TTN: variants seen among roughly 807,000 people sequenced by gnomAD.
TTN encodes titin, also known as connectin.
Under a neutral mutation model 3,223.0 loss-of-function variants are expected in TTN, and 1,525 were observed. That is an observed-to-expected ratio of 0.47 (90% CI 0.45 to 0.49). The LOEUF (loss-of-function observed/expected upper bound fraction) is 0.49. Among genes scored for constraint, TTN ranks in the 20% least tolerant of loss-of-function variants. The pLI, the probability that TTN is intolerant of heterozygous loss-of-function variation, is 0.00. For synonymous variants in TTN, 14,094 were observed against 15,161.0 expected, an observed-to-expected ratio of 0.93 and a Z score of 5.17; for missense variants, 40,786 against 43,424.0, an observed-to-expected ratio of 0.94 and a Z score of 5.40.
At position 178,572,049 on chromosome 2, in the gene TTN, T is replaced by G; in HGVS notation, c.74083A>C (p.Lys24695Gln). Residue 24695 changes from lysine (K) to glutamine (Q), a missense_variant, in exon 326 of 363, where the codon AAG becomes CAG. Transcript: ENST00000589042. ...AGTTGTCTAGGATCACTGATGCCCTTTTCATTCTGAGCTGAAACACGGAAA... is the reference window on the plus strand; with the variant it reads ...AGTTGTCTAGGATCACTGATGCCCTGTTCATTCTGAGCTGAAACACGGAAA... Reference protein sequence around the residue: ...YSFRVSAQNEKGISDPRQLSV... With the variant: ...YSFRVSAQNEQGISDPRQLSV... The G allele has an allele frequency of 6.2e-7, 1 of 1,613,268 alleles. No homozygotes were observed. Among genetic ancestry groups the G allele is most frequent in the Non-Finnish European group, 8.5e-7 (1 of 1,179,570 alleles).
chr2:178,690,495 G>A (rs1329820778), intron 121 of TTN, among the ~76,000 whole-genome samples: 1 of 152,042 alleles, frequency 6.6e-6, no homozygotes, highest in Non-Finnish European at 1.5e-5. Context: ...GTGGGTATGT[G>A]TATTTGTGCT....
intron 1 of TTN, among the ~76,000 whole-genome samples, chr2:178,805,541 T>G (rs2094277949): frequency 6.6e-6 from 1 of 152,154 alleles, no homozygotes; most frequent in African/African-American, 2.4e-5. Context: ...ATCTCTTTCC[T>G]GACTGGAGAA....
At position 178,529,484 on chromosome 2, in the gene TTN, C is replaced by T. The variant is rs886923537; in HGVS notation, c.106532-265G>A. On this transcript the variant is annotated intron_variant, in intron 359 of 362. Transcript: ENST00000589042. ...AAAAAGTCTTGAAAAGAATAGTCAA[C>T]GGATTTAGGAGATAAGTGGATTTGG... 14 of 335,996 alleles carry T rather than the reference C, an allele frequency of 4.2e-5. 1 individual carries two copies. Among genetic ancestry groups the T allele is most frequent in the African/African-American group, 1.1e-4 (5 of 46,962 alleles). 20.8% of individuals were successfully genotyped at this position (335,996 alleles called of 1,614,324 possible).
chr2:178,797,687 C>A (rs889412827), intron 6 of TTN, among the ~76,000 whole-genome samples: 1 of 151,996 alleles, frequency 6.6e-6, no homozygotes, highest in Non-Finnish European at 1.5e-5. Flanking sequence ...TATTGTGATA[C>A]TTTTATGGCA....
chr2:178,732,251 A>C lies in TTN; in HGVS notation c.16718T>G (p.Ile5573Ser). The C allele has an allele frequency of 6.2e-7, 1 of 1,613,786 alleles. No individual in the cohort carries two copies. The highest frequency in any genetic ancestry group is 8.5e-7 in the Non-Finnish European group (1 of 1,179,766). The change falls in exon 57 of 363, where the codon ATT becomes AGT. Residue 5573 changes from isoleucine (I) to serine (S), a missense_variant. Ile to Ser is a moderately radical substitution (Grantham distance 142, BLOSUM62 -2). Coordinates refer to ENST00000589042, the MANE Select transcript of TTN (RefSeq NM_001267550.2). ...LACKVTGTPP[I>S]KITWFANDRE... is the part of the protein sequence containing the mutation. ...ATCATTTGCAAACCATGTTATTTTAATTGGAGGGGTACCAGTTACTTTGCA... is the reference window on the plus strand; with the variant it reads ...ATCATTTGCAAACCATGTTATTTTACTTGGAGGGGTACCAGTTACTTTGCA...
rs376613199 is a variant in TTN, at chr2:178,692,530, T to G, written c.31645A>C (p.Ile10549Leu). The change falls in exon 120 of 363, where the codon ATC becomes CTC. Residue 10549 changes from isoleucine (I) to leucine (L), a missense_variant. Ile to Leu is a conservative substitution (Grantham distance 5). Coordinates refer to ENST00000589042, the MANE Select transcript of TTN (RefSeq NM_001267550.2). ...GCTGGGGGCTCCACTTTTTTAGGGA[T>G]AGGAACAGGGGCCACTTCTTCTGGA... ...PAPEEVAPVP[I>L]PKKVEPPAPK... 1 of 1,588,442 alleles carries G rather than the reference T, an allele frequency of 6.3e-7. No homozygotes were observed. The highest frequency in any genetic ancestry group is 8.6e-7 in the Non-Finnish European group (1 of 1,166,434).
rs1197763731 is a variant in TTN at position 178,604,885 on chromosome 2, T to G, written c.54204A>C (p.Pro18068=). ...TGTCAGTAACAGCAAGATTTCTTGG[T>G]GGGGATGGGCGGTCTGGAAAGGAAT... ...VHVEVYDRPS[P]PRNLAVTDIK... Residue 18068 remains proline, a synonymous_variant, in exon 281 of 363, where the codon CCA becomes CCC. Coordinates refer to ENST00000589042, the MANE Select transcript of TTN (RefSeq NM_001267550.2). 1.2e-6 allele frequency: 2 copies of G among 1,611,532 alleles called. No homozygotes were observed. The highest frequency in any genetic ancestry group is 2.7e-5 in the African/African-American group (2 of 74,748).
rs2059886153 is a variant in TTN at position 178,632,149 on chromosome 2, A to C, written c.43745T>G (p.Leu14582Arg). ...GMSSEAKLTV[L>R]EGDPYFTGKL... ...ATTAAAATTTAAAAAGCACTTACCA[A>C]GCACAGTGAGTTTAGCTTCTGAACT... The change falls in exon 236 of 363, where the codon CTT (leucine) becomes CGT (arginine). Residue 14582 changes from leucine (L) to arginine (R), a missense_variant and splice_region_variant. By Grantham distance (102) the Leu-to-Arg change is moderately radical. Coordinates refer to ENST00000589042, the MANE Select transcript of TTN (RefSeq NM_001267550.2). 6.3e-7 allele frequency: 1 copy of C among 1,591,434 alleles called. No homozygotes were observed. Among genetic ancestry groups the C allele is most frequent in the Non-Finnish European group, 8.6e-7 (1 of 1,168,924 alleles).
rs1451713465 is a variant in TTN, at chr2:178,663,447, A to G, written c.36602T>C (p.Val12201Ala). The G allele has an allele frequency of 6.2e-7, 1 of 1,611,526 alleles. No homozygotes were observed. The highest frequency in any genetic ancestry group is 2.2e-5 in the East Asian group (1 of 44,802). Residue 12201 changes from valine to alanine, a missense_variant, in exon 172 of 363, where the codon GTG becomes GCG. Physicochemically the swap from Val to Ala is moderately conservative, Grantham distance 64. Transcript: ENST00000589042. ...VPVPPPKKPE[V>A]PPTKVPEVPK... ...AGGGTGTCTACCTTTTGTGGGTGGC[A>G]CTTCAGGCTTTTTAGGAGGAGGCAC...
Position 178,741,678 on chromosome 2 carries a change from T to A in TTN, c.11555A>T (p.Gln3852Leu). The part of the protein sequence containing the change: ...TVIGIPKPKI[Q>L]WFFNGVLLTP... ...TAATAGCACTCCATTAAAGAACCAC[T>A]GAATTTTAGGTTTGGGGATGCCAAT... Residue 3852 changes from glutamine (Q) to leucine (L), a missense_variant, in exon 48 of 363, where the codon CAG (glutamine) becomes CTG (leucine). Coordinates refer to ENST00000589042, the MANE Select transcript of TTN (RefSeq NM_001267550.2). The A allele has an allele frequency of 6.2e-7, 1 of 1,613,832 alleles. No homozygotes were observed. The highest frequency in any genetic ancestry group is 8.5e-7 in the Non-Finnish European group (1 of 1,179,764).
At chr2:178,775,309 T>G in intron 28 of TTN, 47 bp downstream of exon 28, 1 of 1,612,674 alleles carries the variant, frequency 6.2e-7, no homozygotes, top group Non-Finnish European at 8.5e-7. Flanking sequence ...TCATGGATAT[T>G]CTTGAATACA....
chr2:178,542,313 C>T lies in TTN; in HGVS notation c.97443G>A (p.Gly32481=). The T allele has an allele frequency of 6.2e-7, 1 of 1,612,490 alleles. No homozygotes were observed. Among genetic ancestry groups the T allele is most frequent in the Non-Finnish European group, 8.5e-7 (1 of 1,179,254 alleles). Reference sequence around the variant, plus strand: ...CCTCAGACTGCAAGTAAGAGCCAATCCCGAAGCGGTTTGTTGCAGCCACAC... The same window carrying T: ...CCTCAGACTGCAAGTAAGAGCCAATTCCGAAGCGGTTTGTTGCAGCCACAC... ...VFRVAATNRF[G]IGSYLQSEVI... is the part of the protein sequence containing the mutation. Residue 32481 remains glycine (G), a synonymous_variant, in exon 349 of 363, where the codon GGG becomes GGA. Coordinates refer to ENST00000589042, the MANE Select transcript of TTN (RefSeq NM_001267550.2).
intron 17 of TTN, 98 bp downstream of exon 17, chr2:178,783,621 AT>A (rs2092957445): frequency 5.4e-6 from 6 of 1,115,156 alleles, no homozygotes; most frequent in Non-Finnish European, 8.1e-6. Flanking sequence ...CACTAATGTC[AT>A]TTTTGTATTA....
At position 178,590,078 on chromosome 2, in the gene TTN, G is replaced by C; in HGVS notation, c.61647C>G (p.Ile20549Met). The C allele has an allele frequency of 6.2e-7, 1 of 1,613,224 alleles. No individual in the cohort carries two copies. The highest frequency in any genetic ancestry group is 8.5e-7 in the Non-Finnish European group (1 of 1,179,490). Residue 20549 changes from isoleucine (I) to methionine (M), a missense_variant, in exon 304 of 363, where the codon ATC becomes ATG. By Grantham distance (10) the Ile-to-Met change is conservative (BLOSUM62 1). Coordinates refer to ENST00000589042, the MANE Select transcript of TTN (RefSeq NM_001267550.2). The part of the protein sequence containing the change: ...AVRADHGKYI[I>M]SAKNSSGHAQ... Reference sequence around the variant, plus strand: ...CATGTCCACTGCTGTTCTTAGCTGAGATGATATACTTGCCATGATCAGCTC... The same window carrying C: ...CATGTCCACTGCTGTTCTTAGCTGACATGATATACTTGCCATGATCAGCTC...
intron 350 of TTN, 67 bp from the exon 351 acceptor site, chr2:178,540,437 A>T: frequency 7.7e-7 from 1 of 1,304,200 alleles, no homozygotes; most frequent in Non-Finnish European, 1.1e-6. Flanking sequence ...TGTGCCACCT[A>T]ACAAATTCAA....
chr2:178,677,952 C>T lies in TTN; in HGVS notation c.33995-35G>A, dbSNP rs1372236648. ...TATTTATTCAAGGGTACAAACATCA[C>T]TTTTATGTAAAATATTCACAACAAT... On this transcript the variant is annotated intron_variant, in intron 145 of 362. Transcript: ENST00000589042. The T allele has an allele frequency of 4.5e-6, 7 of 1,568,014 alleles. No individual in the cohort carries two copies. The Admixed American group carries it at 1.1e-4, about 24-fold the overall frequency.
rs915473274 is a variant in TTN, at chr2:178,546,584, G to A, written c.94828+16C>T. 24 of 1,599,300 alleles carry A rather than the reference G, an allele frequency of 1.5e-5. No individual in the cohort carries two copies. Among genetic ancestry groups the A allele is most frequent in the Non-Finnish European group, 1.9e-5 (22 of 1,170,024 alleles). ...TTGAGATAATTTTAAAAAGGAGAATGTTGACTATTTCCTACCGTATTCATC... is the reference window on the plus strand; with the variant it reads ...TTGAGATAATTTTAAAAAGGAGAATATTGACTATTTCCTACCGTATTCATC... On this transcript the variant is annotated intron_variant, in intron 341 of 362. Coordinates refer to ENST00000589042, the MANE Select transcript of TTN (RefSeq NM_001267550.2).
At chr2:178,715,812 G>C (rs1247923795) in intron 88 of TTN, 38 bp from the exon 89 acceptor site, 1 of 1,523,278 alleles carries the variant, frequency 6.6e-7, no homozygotes, top group Admixed American at 2.1e-5. Flanking sequence ...GTAAGGGATG[G>C]AACAGATGCA....
At chr2:178,774,809 T>C (rs2092010919) in intron 29 of TTN, 112 bp downstream of exon 29, 1 of 1,251,918 alleles carries the variant, frequency 8.0e-7, no homozygotes, top group African/African-American at 1.5e-5. Flanking sequence ...AAACTTATAG[T>C]CAATTTCCAA....
Sources: allele counts gnomAD v4.1 joint callset (sites outside exome capture counted in the v4.1 genomes callset), GRCh38; gene constraint gnomAD v4.1.1; transcripts MANE v1.5; gene names NCBI Gene and HGNC (gene_info 2026-07-23, HGNC 2026-07-21).